Variants in GAN observed in about 807,000 individuals in gnomAD.
GAN encodes the protein gigaxonin.
In GAN, 48 loss-of-function variants were observed where a neutral mutation model predicts 71.3. The observed-to-expected ratio is 0.67, with a 90% CI of 0.53 to 0.86. The LOEUF is 0.86. Among genes scored for constraint, GAN ranks in the 40% least tolerant of loss-of-function variants. The pLI is 0.00. For synonymous variants in GAN, 386 were observed against 276.8 expected (o/e 1.39, Z -3.92); for missense variants, 928 against 770.1 (o/e 1.21, Z -2.43).
At position 81,315,009 on chromosome 16, in the gene GAN, G is replaced by T; in HGVS notation, c.-105G>T. ...GGGCTCCAGCTTCTGCTCAGAGCGC[G>T]GAGAGCCGGGCCGGGCGGGCGCGCG... On this transcript the variant is annotated 5_prime_UTR_variant, in exon 1 of 11. Coordinates refer to ENST00000648994, the MANE Select transcript of GAN (RefSeq NM_022041.4). 16 of 987,700 alleles carry T rather than the reference G, an allele frequency of 1.6e-5. No homozygotes were observed. The highest frequency in any genetic ancestry group is 1.9e-5 in the Non-Finnish European group (14 of 734,424). 61.2% of individuals were successfully genotyped at this position (987,700 alleles called of 1,614,324 possible). A position where few individuals can be genotyped will look rare whatever the true frequency, so the allele number is the denominator to read the frequency against.
chr16:81,360,497 G>T (rs1215837125), intron 5 of GAN, among the ~76,000 whole-genome samples: 1 of 150,360 alleles, frequency 6.7e-6, no homozygotes, highest in Non-Finnish European at 1.5e-5. Context: ...TCACTGTGCT[G>T]TTTTCTTGAT....
rs1407648270 is a variant in GAN, at chr16:81,380,022, C to T, written c.*2426C>T. The T allele has an allele frequency of 2.6e-5, 4 of 152,186 alleles. No individual in the cohort carries two copies. In the East Asian group the frequency reaches 5.8e-4, roughly 22 times the overall value. 9.4% of individuals were successfully genotyped at this position (152,186 alleles called of 1,614,324 possible). Reference sequence around the variant, plus strand: ...ATATGGGATGCAATAACCAACAAAGCTGCTAAGTGCCAAACTGTTATTTTA... The same window carrying T: ...ATATGGGATGCAATAACCAACAAAGTTGCTAAGTGCCAAACTGTTATTTTA... On this transcript the variant is annotated 3_prime_UTR_variant, in exon 11 of 11. Coordinates refer to ENST00000648994, the MANE Select transcript of GAN (RefSeq NM_022041.4).
intron 1 of GAN, among the ~76,000 whole-genome samples, chr16:81,342,052 G>T (rs1597396004): frequency 6.6e-6 from 1 of 152,270 alleles, no homozygotes; most frequent in South Asian, 2.1e-4. Flanking sequence ...TTACATAATG[G>T]TAAAGGGATC....
intron 9 of GAN, among the ~76,000 whole-genome samples, chr16:81,369,857 ACC>A (rs1183623961): frequency 1.3e-5 from 2 of 152,206 alleles, no homozygotes; most frequent in Non-Finnish European, 1.5e-5. Context: ...GGCATGAGCC[ACC>A]GCGCCCAGCC....
At chr16:81,353,850 T>C (rs1910391682) in intron 2 of GAN, among the ~76,000 whole-genome samples, 1 of 152,016 alleles carries the variant, frequency 6.6e-6, no homozygotes, top group South Asian at 2.1e-4. Context: ...GAGACCTAAG[T>C]GTATCTGTCT....
intron 1 of GAN, among the ~76,000 whole-genome samples, chr16:81,350,837 G>C (rs1305195187): frequency 6.6e-6 from 1 of 152,044 alleles, no homozygotes; most frequent in Non-Finnish European, 1.5e-5. Flanking sequence ...CTTTAACATA[G>C]CACAAAAGAG....
Position 81,357,786 on chromosome 16 carries a change from C to T in GAN, c.852-24C>T, listed in dbSNP as rs113405035. 12 of 1,606,432 alleles carry T rather than the reference C, an allele frequency of 7.5e-6. No individual in the cohort carries two copies. In the African/African-American group the frequency reaches 1.1e-4, roughly 14 times the overall value. ...AGAACTGTATGAAGCACATTAACTACTGATCACTTATTTACTTCCTTAGTT... is the reference window on the plus strand; with the variant it reads ...AGAACTGTATGAAGCACATTAACTATTGATCACTTATTTACTTCCTTAGTT... On this transcript the variant is annotated intron_variant, in intron 4 of 10. Coordinates refer to ENST00000648994, the MANE Select transcript of GAN (RefSeq NM_022041.4).
rs1904301281 is a variant in GAN at position 81,380,829 on chromosome 16, T to A, written c.*3233T>A. On this transcript the variant is annotated 3_prime_UTR_variant, in exon 11 of 11. Coordinates refer to ENST00000648994, the MANE Select transcript of GAN (RefSeq NM_022041.4). ...ACAGTGTTTACCAACTCGTAGTTGG[T>A]ATACTGTCAGGATTTGGCCTAAGAA... The A allele has an allele frequency of 6.6e-6, 1 of 152,222 alleles. No individual in the cohort carries two copies. The highest frequency in any genetic ancestry group is 1.5e-5 in the Non-Finnish European group (1 of 68,042). The allele number at this position is 152,222 out of a possible 1,614,324, so 9.4% of individuals were successfully genotyped here. A position where few individuals can be genotyped will look rare whatever the true frequency, so the allele number is the denominator to read the frequency against.
Position 81,357,962 on chromosome 16 carries a change from A to G in GAN, c.973+31A>G, listed in dbSNP as rs1358707062. ...GTTCTGTGGCAAATTTTCCTTAAACAGCAGATCAAGTAATGTGTAATCTCA... is the reference window on the plus strand; with the variant it reads ...GTTCTGTGGCAAATTTTCCTTAAACGGCAGATCAAGTAATGTGTAATCTCA... On this transcript the variant is annotated intron_variant, in intron 5 of 10. Transcript: ENST00000648994. 2.5e-6 allele frequency: 4 copies of G among 1,586,160 alleles called. No homozygotes were observed. The African/African-American group carries it at 5.4e-5, about 21-fold the overall frequency.
intron 1 of GAN, 142 bp from the exon 2 acceptor site, chr16:81,351,441 C>A: frequency 1.6e-6 from 1 of 634,586 alleles, no homozygotes. Context: ...AATACATAGA[C>A]CTAAAGTTAA....
chr16:81,376,399 C>T (rs1328191744), intron 9 of GAN, among the ~76,000 whole-genome samples: 1 of 151,294 alleles, frequency 6.6e-6, no homozygotes, highest in Admixed American at 6.6e-5. Flanking sequence ...GTGGGCAGAT[C>T]ACCTGAGCCC....
At chr16:81,334,818 C>T (rs1046394430) in intron 1 of GAN, among the ~76,000 whole-genome samples, 5 of 152,202 alleles carry the variant, frequency 3.3e-5, no homozygotes, top group African/African-American at 1.2e-4. Flanking sequence ...TGAGAATAGT[C>T]ACCAACATCG....
chr16:81,320,950 G>T (rs1302925578), intron 1 of GAN, among the ~76,000 whole-genome samples: 4 of 149,106 alleles, frequency 2.7e-5, no homozygotes, highest in African/African-American at 5.0e-5. Context: ...TCACAACCTT[G>T]TTTGATTAAA....
intron 1 of GAN, among the ~76,000 whole-genome samples, chr16:81,319,254 C>T (rs1426414947): frequency 4.1e-5 from 6 of 145,822 alleles, no homozygotes; most frequent in Admixed American, 6.9e-5. Context: ...ATGGCAAAAC[C>T]GAATTCATAG....
intron 1 of GAN, among the ~76,000 whole-genome samples, chr16:81,324,845 G>A (rs1909330691): frequency 6.6e-6 from 1 of 152,244 alleles, no homozygotes; most frequent in African/African-American, 2.4e-5. Context: ...GCTGCTGGGT[G>A]TGCTCTATAA....
chr16:81,337,512 A>G (rs1909803424), intron 1 of GAN, among the ~76,000 whole-genome samples: 2 of 152,186 alleles, frequency 1.3e-5, no homozygotes, highest in South Asian at 2.1e-4. Context: ...TTGGAAGACG[A>G]TGACCAGGCC....
chr16:81,377,738 A>G lies in GAN; in HGVS notation c.*142A>G. On this transcript the variant is annotated 3_prime_UTR_variant, in exon 11 of 11. Transcript: ENST00000648994. ...TCTTTGGTGGTTTTATGATGCTTAC[A>G]AACTTGAGCTTTAGCTCTTGTTTGG... 1 of 803,622 alleles carries G rather than the reference A, an allele frequency of 1.2e-6. No individual in the cohort carries two copies. Among genetic ancestry groups the G allele is most frequent in the Non-Finnish European group, 2.1e-6 (1 of 466,154 alleles). The allele number at this position is 803,622 out of a possible 1,614,324, so 49.8% of individuals were successfully genotyped here. A position where few individuals can be genotyped will look rare whatever the true frequency, so the allele number is the denominator to read the frequency against.
rs1904305666 is a variant in GAN at position 81,381,660 on chromosome 16, C to G, written c.*4064C>G. 6.6e-6 allele frequency: 1 copy of G among 152,286 alleles called. No individual in the cohort carries two copies. Among genetic ancestry groups the G allele is most frequent in the South Asian group, 2.1e-4 (1 of 4,834 alleles). 9.4% of individuals were successfully genotyped at this position (152,286 alleles called of 1,614,324 possible). ...CCACTCTCCTACTCAAGGTCATAAA[C>G]CCACTATGGAACGGGCAAGGGCCCC... On this transcript the variant is annotated 3_prime_UTR_variant, in exon 11 of 11. Transcript: ENST00000648994.
chr16:81,365,606 C>A, intron 9 of GAN, 128 bp downstream of exon 9: 1 of 885,548 alleles, frequency 1.1e-6, no homozygotes, highest in Non-Finnish European at 1.9e-6. Context: ...ACGTCTCATG[C>A]ATACTAGATA....
Sources: gnomAD v4.1 joint callset for allele counts (sites outside exome capture counted in the v4.1 genomes callset) on GRCh38, gnomAD v4.1.1 for gene constraint, MANE v1.5 for transcripts, NCBI Gene and HGNC (gene_info 2026-07-23, HGNC 2026-07-21) for gene names.